Variants in NRG3 observed in about 807,000 individuals in gnomAD.
NRG3 encodes the protein neuregulin 3, also known as pro-neuregulin-3, membrane-bound isoform.
A neutral mutation model predicts 66.9 loss-of-function variants in NRG3; 31 were observed. That is an observed-to-expected ratio of 0.46 (90% confidence interval 0.35 to 0.63). NRG3 has a LOEUF of 0.63. Ranked by LOEUF, NRG3 falls within the 20% of genes least tolerant of loss-of-function variation. The pLI is 0.00. For missense variants in NRG3, 910 were observed against 878.9 expected (o/e 1.04, Z -0.45); for synonymous variants, 393 against 359.4 (o/e 1.09, Z -1.06).
intron 1 of NRG3, among the ~76,000 whole-genome samples, chr10:82,039,398 C>T (rs752418947): frequency 2.6e-5 from 4 of 151,962 alleles, no homozygotes; most frequent in Non-Finnish European, 4.4e-5. Flanking sequence ...AAATGGGAGC[C>T]AAATAATTGT....
chr10:82,804,523 A>G (rs2061194326), intron 3 of NRG3, among the ~76,000 whole-genome samples: 1 of 152,214 alleles, frequency 6.6e-6, no homozygotes, highest in Non-Finnish European at 1.5e-5. Flanking sequence ...GGGCCACTAT[A>G]GTAAGTGCTC....
intron 3 of NRG3, among the ~76,000 whole-genome samples, chr10:82,807,281 A>T (rs1392444889): frequency 1.3e-5 from 2 of 152,212 alleles, no homozygotes; most frequent in African/African-American, 2.4e-5. Flanking sequence ...TGTTTTCATT[A>T]CACTTGAAAT....
At chr10:82,672,835 C>T (rs1242933611) in intron 2 of NRG3, among the ~76,000 whole-genome samples, 2 of 152,106 alleles carry the variant, frequency 1.3e-5, no homozygotes, top group Admixed American at 1.3e-4. Context: ...CTGCAACTTT[C>T]GCCTCCCAGG....
At chr10:82,585,336 T>A (rs928095464) in intron 2 of NRG3, among the ~76,000 whole-genome samples, 7 of 152,204 alleles carry the variant, frequency 4.6e-5, no homozygotes, top group Admixed American at 4.6e-4. Flanking sequence ...TTTAGTGGAC[T>A]AATGAAAATA....
intron 2 of NRG3, among the ~76,000 whole-genome samples, chr10:82,563,648 T>G (rs1036953839): frequency 5.3e-5 from 8 of 152,138 alleles, no homozygotes; most frequent in African/African-American, 1.9e-4. Flanking sequence ...AAACATCACA[T>G]ATTTATGGTG....
chr10:82,384,552 C>T lies in NRG3; in HGVS notation c.953+25684C>T, dbSNP rs1019977914. 6.6e-5 allele frequency among the ~76,000 whole-genome samples: 10 copies of T among 152,194 alleles called. No homozygotes were observed. In the South Asian group the frequency reaches 8.3e-4, roughly 13 times the overall value. On this transcript the variant is annotated intron_variant, in intron 2 of 8. Coordinates refer to ENST00000372141, the MANE Select transcript of NRG3 (RefSeq NM_001010848.4). ...GTATTTGGTTTTCTGTTTCTGCATT[C>T]GTCTGCTAAGGGTAATGGCCTCCAG...
chr10:81,997,124 C>T (rs1328524745), intron 1 of NRG3, among the ~76,000 whole-genome samples: 2 of 152,176 alleles, frequency 1.3e-5, no homozygotes, highest in African/African-American at 2.4e-5. Flanking sequence ...TATCTGGCGA[C>T]TCATTCATCT....
intron 2 of NRG3, among the ~76,000 whole-genome samples, chr10:82,713,253 C>T (rs2056784296): frequency 6.6e-6 from 1 of 151,270 alleles, no homozygotes; most frequent in Non-Finnish European, 1.5e-5. Flanking sequence ...GATTTGCTCT[C>T]AAGAGTAAGA....
intron 1 of NRG3, among the ~76,000 whole-genome samples, chr10:81,908,114 A>G (rs1405193649): frequency 6.6e-6 from 1 of 152,054 alleles, no homozygotes; most frequent in Non-Finnish European, 1.5e-5. Flanking sequence ...TAAAAATGCA[A>G]CCTTAGGTAT....
At chr10:82,663,953 G>A (rs999658068) in intron 2 of NRG3, among the ~76,000 whole-genome samples, 4 of 152,196 alleles carry the variant, frequency 2.6e-5, no homozygotes, top group South Asian at 4.1e-4. Context: ...TGAATGTAAC[G>A]TTTATGGGAA....
At chr10:82,408,182 G>A (rs756067521) in intron 2 of NRG3, among the ~76,000 whole-genome samples, 11 of 151,844 alleles carry the variant, frequency 7.2e-5, no homozygotes, top group African/African-American at 1.2e-4. Flanking sequence ...AATGTACTTC[G>A]AAGGAAACTA....
chr10:81,914,947 C>T (rs1845534568), intron 1 of NRG3, among the ~76,000 whole-genome samples: 1 of 152,004 alleles, frequency 6.6e-6, no homozygotes, highest in Non-Finnish European at 1.5e-5. Context: ...TACTTTTAAA[C>T]TAACGACACA....
At chr10:82,822,960 C>T (rs765999272) in intron 3 of NRG3, among the ~76,000 whole-genome samples, 7 of 152,168 alleles carry the variant, frequency 4.6e-5, no homozygotes, top group South Asian at 2.1e-4. Flanking sequence ...AGGCTGACTG[C>T]GGCTAACTAG....
At chr10:82,110,107 G>T (rs1365534477) in intron 1 of NRG3, among the ~76,000 whole-genome samples, 1 of 152,190 alleles carries the variant, frequency 6.6e-6, no homozygotes, top group Non-Finnish European at 1.5e-5. Flanking sequence ...AGACAAAATT[G>T]GGAAAGGGTA....
At chr10:82,558,333 A>G (rs2044786505) in intron 2 of NRG3, among the ~76,000 whole-genome samples, 2 of 152,296 alleles carry the variant, frequency 1.3e-5, no homozygotes, top group African/African-American at 4.8e-5. Flanking sequence ...CAGTTACACA[A>G]GAAAAACCCC....
chr10:82,025,363 A>G (rs1034404785), intron 1 of NRG3, among the ~76,000 whole-genome samples: 3 of 151,622 alleles, frequency 2.0e-5, no homozygotes, highest in Admixed American at 6.6e-5. Context: ...ATTGTAGTGT[A>G]TATGTTTTAG....
rs1238410408 is a variant in NRG3, at chr10:82,055,249, C to T, written c.823+179086C>T. On this transcript the variant is annotated intron_variant, in intron 1 of 8. Coordinates refer to ENST00000372141, the MANE Select transcript of NRG3 (RefSeq NM_001010848.4). Reference sequence around the variant, plus strand: ...ATCCCAGCACTTTGGGAGGCCGAGGCGAGCAGATCGAGGTCAGGAGATCGA... The same window carrying T: ...ATCCCAGCACTTTGGGAGGCCGAGGTGAGCAGATCGAGGTCAGGAGATCGA... 4.6e-5 allele frequency among the ~76,000 whole-genome samples: 7 copies of T among 151,854 alleles called. No homozygotes were observed. In the East Asian group the frequency reaches 5.8e-4, roughly 13 times the overall value.
At chr10:81,969,094 T>C (rs963357997) in intron 1 of NRG3, among the ~76,000 whole-genome samples, 1 of 152,066 alleles carries the variant, frequency 6.6e-6, no homozygotes, top group Non-Finnish European at 1.5e-5. Flanking sequence ...TGGAGCATTG[T>C]TGAACAGATT....
At chr10:82,574,990 T>C (rs943833501) in intron 2 of NRG3, among the ~76,000 whole-genome samples, 2 of 151,556 alleles carry the variant, frequency 1.3e-5, no homozygotes, top group African/African-American at 4.8e-5. Flanking sequence ...AAAGAATGAG[T>C]TCAAAAGATC....
Sources: allele counts gnomAD v4.1 joint callset (sites outside exome capture counted in the v4.1 genomes callset), GRCh38; gene constraint gnomAD v4.1.1; transcripts MANE v1.5; gene names NCBI Gene and HGNC (gene_info 2026-07-23, HGNC 2026-07-21).